The following ADAMTS19 variants were observed in gnomAD, a reference collection of about 807,000 sequenced individuals.
ADAMTS19 encodes ADAM metallopeptidase with thrombospondin type 1 motif 19.
Under a neutral mutation model 153.3 loss-of-function variants are expected in ADAMTS19, and 93 were observed. The observed-to-expected ratio is 0.61, with a 90% CI of 0.51 to 0.72. The LOEUF (loss-of-function observed/expected upper bound fraction) is 0.72. ADAMTS19 is among the 30% of genes least tolerant of loss of function. The pLI, the probability that ADAMTS19 is intolerant of heterozygous loss-of-function variation, is 0.00. For missense variants in ADAMTS19, 1,482 were observed against 1,552.1 expected (o/e 0.95, Z 0.76); for synonymous variants, 600 against 556.6 (o/e 1.08, Z -1.10).
rs1286305068 is a variant in ADAMTS19, at chr5:129,461,206, C to A, written c.196C>A (p.Pro66Thr). 1 of 1,299,240 alleles carries A rather than the reference C, an allele frequency of 7.7e-7. No homozygotes were observed. Among genetic ancestry groups the A allele is most frequent in the South Asian group, 2.6e-5 (1 of 38,992 alleles). 80.5% of individuals were successfully genotyped at this position (1,299,240 alleles called of 1,614,324 possible). Residue 66 changes from proline to threonine, a missense_variant, in exon 2 of 23, where the codon CCG becomes ACG. By Grantham distance (38) the Pro-to-Thr change is conservative. Transcript: ENST00000274487. The surrounding 1 kb of genome is among the most constrained non-coding windows in gnomAD (Gnocchi z 4.6). ...PAGGSGGSADPGWVRGVGGGG... is the reference protein window; with the variant it reads ...PAGGSGGSADTGWVRGVGGGG... ...TGGCGGCAGCGGGGGCAGCGCGGAC[C>A]CGGGCTGGGTGCGCGGCGTTGGGGG...
intron 8 of ADAMTS19, among the ~76,000 whole-genome samples, chr5:129,598,228 G>C (rs1177718333): frequency 6.6e-6 from 1 of 152,132 alleles, no homozygotes; most frequent in Non-Finnish European, 1.5e-5. Context: ...CCATTCCTAG[G>C]AGCTGTGTAG....
chr5:129,531,111 T>C (rs983768316), intron 6 of ADAMTS19, among the ~76,000 whole-genome samples: 9 of 152,188 alleles, frequency 5.9e-5, no homozygotes, highest in Admixed American at 3.9e-4. Flanking sequence ...ATGAGAACTA[T>C]ACAGCACTCT....
chr5:129,699,751 G>A (rs1220119506), intron 19 of ADAMTS19, among the ~76,000 whole-genome samples: 2 of 152,094 alleles, frequency 1.3e-5, no homozygotes, highest in African/African-American at 4.8e-5. Context: ...ATCATGAGGT[G>A]AAAATAGAAA....
chr5:129,564,112 C>T (rs1267892290), intron 7 of ADAMTS19, among the ~76,000 whole-genome samples: 7 of 151,828 alleles, frequency 4.6e-5, no homozygotes, highest in African/African-American at 7.3e-5. Flanking sequence ...GTAGAGACAG[C>T]GTTCCAGGTG....
At chr5:129,482,547 CTAAAATCAAATCATT>C (rs1438294513) in intron 2 of ADAMTS19, among the ~76,000 whole-genome samples, 1 of 152,100 alleles carries the variant, frequency 6.6e-6, no homozygotes, top group Non-Finnish European at 1.5e-5. Context: ...GTCAAAATAT[CTAAAATCAAATCATT>C]TAAAATCAAT....
At chr5:129,660,439 AT>A (rs998045842) in intron 15 of ADAMTS19, among the ~76,000 whole-genome samples, 2 of 152,072 alleles carry the variant, frequency 1.3e-5, no homozygotes, top group African/African-American at 4.8e-5. Context: ...ATTTAAGCAT[AT>A]TAGAGTTTTT....
intron 21 of ADAMTS19, among the ~76,000 whole-genome samples, chr5:129,705,506 A>T (rs1278379384): frequency 6.6e-6 from 1 of 152,230 alleles, no homozygotes; most frequent in Non-Finnish European, 1.5e-5. Context: ...TCAGTAAACT[A>T]GACTCTCTTT....
intron 3 of ADAMTS19, among the ~76,000 whole-genome samples, chr5:129,509,877 C>A (rs539514488): frequency 6.6e-6 from 1 of 151,816 alleles, no homozygotes; most frequent in African/African-American, 2.4e-5. Flanking sequence ...GTTTCATGTA[C>A]TTTCTTACTT....
intron 6 of ADAMTS19, among the ~76,000 whole-genome samples, chr5:129,536,322 C>G (rs566149422): frequency 6.6e-6 from 1 of 152,160 alleles, no homozygotes; most frequent in Non-Finnish European, 1.5e-5. Flanking sequence ...TGCTCATCAT[C>G]ACTGGCCATC....
chr5:129,533,849 T>C (rs1752305580), intron 6 of ADAMTS19, among the ~76,000 whole-genome samples: 1 of 152,184 alleles, frequency 6.6e-6, no homozygotes, highest in Non-Finnish European at 1.5e-5. Flanking sequence ...CATTTCGTTA[T>C]GTACCCAGTA....
rs192898905 is a variant in ADAMTS19 at position 129,535,497 on chromosome 5, T to C, written c.1328+6820T>C. Among the ~76,000 whole-genome samples, 1,493 of 152,260 alleles carry C rather than the reference T, an allele frequency of 9.8e-3. 28 individuals are homozygous for C. The highest frequency in any genetic ancestry group is 0.035 in the African/African-American group (1,448 of 41,544). On this transcript the variant is annotated intron_variant, in intron 6 of 22. Transcript: ENST00000274487. ...AATGGCCATACTGCCCAAGGTAATT[T>C]AGAGATTCAATGCCATCCCCATCAA...
At chr5:129,597,557 T>G (rs1242487288) in intron 8 of ADAMTS19, among the ~76,000 whole-genome samples, 2 of 152,114 alleles carry the variant, frequency 1.3e-5, no homozygotes, top group African/African-American at 4.8e-5. Flanking sequence ...GTTATGGGAT[T>G]AGTTTAGGAT....
At chr5:129,508,449 T>A (rs925440379) in intron 2 of ADAMTS19, among the ~76,000 whole-genome samples, 1 of 152,024 alleles carries the variant, frequency 6.6e-6, no homozygotes, top group Non-Finnish European at 1.5e-5. Context: ...TGATCATAAC[T>A]GTATTATACA....
At position 129,647,897 on chromosome 5, in the gene ADAMTS19, T is replaced by C; in HGVS notation, c.2003+2T>C. 1 of 1,609,896 alleles carries C rather than the reference T, an allele frequency of 6.2e-7. No homozygotes were observed. Among genetic ancestry groups the C allele is most frequent in the Non-Finnish European group, 8.5e-7 (1 of 1,177,082 alleles). Reference sequence around the variant, plus strand: ...CAGTCGAGAGCGCAAATGTCCTGGGTAAACTCAAAGTTCCTGGTTGGGGGA... The same window carrying C: ...CAGTCGAGAGCGCAAATGTCCTGGGCAAACTCAAAGTTCCTGGTTGGGGGA... On this transcript the variant is annotated splice_donor_variant, in intron 12 of 22. Transcript: ENST00000274487. LOFTEE classifies it high-confidence loss of function.
At chr5:129,532,506 G>T (rs542206165) in intron 6 of ADAMTS19, among the ~76,000 whole-genome samples, 2 of 152,160 alleles carry the variant, frequency 1.3e-5, no homozygotes, top group East Asian at 1.9e-4. Flanking sequence ...TTATAAAATG[G>T]TTCAACCACA....
chr5:129,500,310 C>T lies in ADAMTS19; in HGVS notation c.748-8767C>T, dbSNP rs138174035. 2.0e-3 allele frequency: 298 copies of T among 152,246 alleles called. 1 individual carries two copies. Among genetic ancestry groups the T allele is most frequent in the Non-Finnish European group, 3.1e-3 (213 of 68,058 alleles). 9.4% of individuals were successfully genotyped at this position (152,246 alleles called of 1,614,324 possible). A position where few individuals can be genotyped will look rare whatever the true frequency, so the allele number is the denominator to read the frequency against. On this transcript the variant is annotated intron_variant, in intron 2 of 22. Transcript: ENST00000274487. Reference sequence around the variant, plus strand: ...GCTCCTCTAGCATTGGAACTGTTAACGGACACCCAGAAGGAGGGGCAGGTT... The same window carrying T: ...GCTCCTCTAGCATTGGAACTGTTAATGGACACCCAGAAGGAGGGGCAGGTT...
At chr5:129,595,357 C>T (rs1476949121) in intron 7 of ADAMTS19, among the ~76,000 whole-genome samples, 1 of 152,142 alleles carries the variant, frequency 6.6e-6, no homozygotes, top group Non-Finnish European at 1.5e-5. Context: ...GTCATTTAGG[C>T]TGTAGCTTTC....
chr5:129,477,160 C>A (rs1279826151), intron 2 of ADAMTS19, among the ~76,000 whole-genome samples: 1 of 152,028 alleles, frequency 6.6e-6, no homozygotes, highest in Non-Finnish European at 1.5e-5. Context: ...GTATGTTTTA[C>A]ACTCAGTTTG....
chr5:129,666,656 C>G (rs1754066921), intron 16 of ADAMTS19, among the ~76,000 whole-genome samples: 1 of 152,078 alleles, frequency 6.6e-6, no homozygotes, highest in African/African-American at 2.4e-5. Flanking sequence ...CACTCATTAC[C>G]AATTATTACC....
Sources: allele counts gnomAD v4.1 joint callset (sites outside exome capture counted in the v4.1 genomes callset), GRCh38; gene constraint gnomAD v4.1.1; non-coding constraint Gnocchi (gnomAD v3.1); transcripts MANE v1.5; gene names NCBI Gene and HGNC (gene_info 2026-07-23, HGNC 2026-07-21).